WDR12: variants seen among roughly 807,000 people sequenced by gnomAD.
WDR12 encodes ribosome biogenesis protein WDR12.
Under a neutral mutation model 64.3 loss-of-function variants are expected in WDR12, and 42 were observed. The ratio of observed to expected loss-of-function variants is 0.65; its 90% CI spans 0.51 to 0.84. The LOEUF is 0.84. Ranked by LOEUF, WDR12 falls within the 40% of genes least tolerant of loss-of-function variation. The probability of loss-of-function intolerance (pLI) is 0.00; values close to 1 mark genes in which losing one functional copy is unlikely to be tolerated. For missense variants in WDR12, 469 were observed against 494.6 expected, an observed-to-expected ratio of 0.95 and a Z score of 0.49; for synonymous variants, 158 against 173.3, an observed-to-expected ratio of 0.91 and a Z score of 0.70.
chr2:202,911,617 G>GACTC lies in WDR12; in HGVS notation c.-145_-142dup. On this transcript the variant is annotated 5_prime_UTR_variant, in exon 1 of 13. Coordinates refer to ENST00000261015, the MANE Select transcript of WDR12 (RefSeq NM_018256.4). ...AGCGAGGAACTGCAGTCTAAGCCTG[G>GACTC]ACTCTGCCTTCTGCCCTCCGGTCTC... 1 of 777,236 alleles carries GACTC rather than the reference G, an allele frequency of 1.3e-6. No homozygotes were observed. 48.1% of individuals were successfully genotyped at this position (777,236 alleles called of 1,614,324 possible).
At chr2:202,894,685 A>G in intron 6 of WDR12, 59 bp from the exon 7 acceptor site, 3 of 1,423,606 alleles carry the variant, frequency 2.1e-6, no homozygotes, top group Non-Finnish European at 2.9e-6. Flanking sequence ...TTATTTGCCT[A>G]CAACAGTAGG....
At position 202,882,787 on chromosome 2, in the gene WDR12, A is replaced by T; in HGVS notation, c.1122-4T>A. On this transcript the variant is annotated splice_region_variant and splice_polypyrimidine_tract_variant and intron_variant, in intron 11 of 12. Coordinates refer to ENST00000261015, the MANE Select transcript of WDR12 (RefSeq NM_018256.4). ...ATCATAGAGAGGAGCCTTACAACTAAAAGATGAAAATATTAACATATTATA... is the reference window on the plus strand; with the variant it reads ...ATCATAGAGAGGAGCCTTACAACTATAAGATGAAAATATTAACATATTATA... The T allele has an allele frequency of 6.2e-7, 1 of 1,613,380 alleles. No individual in the cohort carries two copies. Among genetic ancestry groups the T allele is most frequent in the East Asian group, 2.2e-5 (1 of 44,846 alleles).
intron 10 of WDR12, 26 bp downstream of exon 10, chr2:202,884,172 T>A (rs1477535333): frequency 1.3e-6 from 2 of 1,591,692 alleles, no homozygotes; most frequent in Non-Finnish European, 1.7e-6. Context: ...CACACATATA[T>A]TCCCCCAGTG....
chr2:202,900,351 A>G (rs1394628660), intron 3 of WDR12, among the ~76,000 whole-genome samples: 2 of 151,682 alleles, frequency 1.3e-5, no homozygotes, highest in Non-Finnish European at 2.9e-5. Context: ...AAAAAAGAAG[A>G]TAAAAGAAAA....
chr2:202,899,639 T>C lies in WDR12; in HGVS notation c.232-2A>G. 6.2e-7 allele frequency: 1 copy of C among 1,613,410 alleles called. No homozygotes were observed. Among genetic ancestry groups the C allele is most frequent in the Non-Finnish European group, 8.5e-7 (1 of 1,179,580 alleles). ...GTATTCTATTTCCACAACTTCTTCC[T>C]AATCACAAGAGAAACCAGCAACAAG... On this transcript the variant is annotated splice_acceptor_variant, in intron 3 of 12. Transcript: ENST00000261015. LOFTEE classifies it high-confidence loss of function.
At chr2:202,890,766 G>A (rs370414810) in intron 8 of WDR12, among the ~76,000 whole-genome samples, 2,822 of 111,240 alleles carry the variant, frequency 0.025, 80 homozygotes, top group African/African-American at 0.083. Flanking sequence ...GCGAGACTCC[G>A]TCTCAAAAAA....
intron 7 of WDR12, 73 bp downstream of exon 7, chr2:202,894,508 C>T (rs2105907352): frequency 7.5e-7 from 1 of 1,331,620 alleles, no homozygotes; most frequent in East Asian, 2.5e-5. Flanking sequence ...AGGCGTAAGC[C>T]ACCATATAGC....
intron 1 of WDR12, among the ~76,000 whole-genome samples, chr2:202,908,641 A>T (rs1688505986): frequency 6.6e-6 from 1 of 152,218 alleles, no homozygotes; most frequent in Non-Finnish European, 1.5e-5. Context: ...AGTGCTTTAT[A>T]TATCATGTGA....
In WDR12 at chr2:202,874,576, C is replaced by G. The variant is rs193268345; in HGVS notation, c.*6284G>C. Among the ~76,000 whole-genome samples the G allele has an allele frequency of 9.2e-5, 14 of 152,322 alleles. No homozygotes were observed. Among genetic ancestry groups the G allele is most frequent in the African/African-American group, 3.1e-4 (13 of 41,562 alleles). On this transcript the variant is annotated 3_prime_UTR_variant, in exon 13 of 13. Transcript: ENST00000261015. Reference sequence around the variant, plus strand: ...CTAAAAATTATTCTACTGTTTTGTACTGTTTTACTAAGGATTAGAGGTCTA... The same window carrying G: ...CTAAAAATTATTCTACTGTTTTGTAGTGTTTTACTAAGGATTAGAGGTCTA...
chr2:202,886,681 C>T (rs940672977), intron 8 of WDR12, among the ~76,000 whole-genome samples: 2 of 147,778 alleles, frequency 1.4e-5, no homozygotes, highest in Admixed American at 6.9e-5. Flanking sequence ...GCAGGAGAAT[C>T]GCTTGAACCC....
At chr2:202,909,030 A>G (rs1462875281) in intron 1 of WDR12, among the ~76,000 whole-genome samples, 1 of 152,256 alleles carries the variant, frequency 6.6e-6, no homozygotes, top group Non-Finnish European at 1.5e-5. Context: ...GTAAAAAGAC[A>G]GCTAATAACA....
chr2:202,887,143 C>A (rs1272824017), intron 8 of WDR12, among the ~76,000 whole-genome samples: 10 of 152,298 alleles, frequency 6.6e-5, no homozygotes, highest in Admixed American at 6.5e-4. Context: ...CCTGCCTCAG[C>A]CTCCCAAGTA....
Position 202,911,456 on chromosome 2 carries a change from G to A in WDR12, c.21C>T (p.Arg7=), listed in dbSNP as rs541478848. The change falls in exon 1 of 13, where the codon CGC becomes CGT. Residue 7 remains arginine (R), a synonymous_variant. Coordinates refer to ENST00000261015, the MANE Select transcript of WDR12 (RefSeq NM_018256.4). The stretch of plus-strand genomic sequence containing the variant: ...CTTACTTCTTGTTATCAGTGTAGAA[G>A]CGTGTTTGGAGCTGAGCCATGGCGA... MAQLQT[R]FYTDNKKYAV... is the part of the protein sequence containing the mutation. The A allele has an allele frequency of 2.5e-6, 4 of 1,614,152 alleles. No homozygotes were observed. In the East Asian group the frequency reaches 8.9e-5, roughly 36 times the overall value.
intron 3 of WDR12, among the ~76,000 whole-genome samples, chr2:202,900,046 T>C (rs1050442603): frequency 6.6e-6 from 1 of 152,074 alleles, no homozygotes; most frequent in Non-Finnish European, 1.5e-5. Context: ...AAGAAAGCCT[T>C]AGGCCAGGTG....
intron 5 of WDR12, 141 bp downstream of exon 5, chr2:202,897,159 C>A: frequency 3.8e-6 from 2 of 520,654 alleles, no homozygotes; most frequent in Non-Finnish European, 3.4e-6. Flanking sequence ...TCTTCTTGAA[C>A]ACTGTATTTT....
In WDR12 at chr2:202,892,691, C is replaced by CATCTGTAG. The variant is rs1212834563; in HGVS notation, c.659_666dup (p.Glu223LeufsTer26). 1 of 1,612,066 alleles carries CATCTGTAG rather than the reference C, an allele frequency of 6.2e-7. No homozygotes were observed. Among genetic ancestry groups the CATCTGTAG allele is most frequent in the East Asian group, 2.2e-5 (1 of 44,776 alleles). ...GTGGACTCCTCCATTTCATCTTCTT[C>CATCTGTAG]ATCTGTAGGGACTGTGTCATAGAGA... On this transcript the variant is annotated frameshift_variant, in exon 8 of 13. Coordinates refer to ENST00000261015, the MANE Select transcript of WDR12 (RefSeq NM_018256.4). LOFTEE classifies it high-confidence loss of function.
chr2:202,911,356 C>T (rs1688636057), intron 1 of WDR12, 80 bp downstream of exon 1: 1 of 1,403,836 alleles, frequency 7.1e-7, no homozygotes, highest in African/African-American at 1.4e-5. Flanking sequence ...CAGAAACAAC[C>T]AGGGATCCAC....
At chr2:202,884,599 G>C in intron 8 of WDR12, 64 bp from the exon 9 acceptor site, 1 of 1,503,642 alleles carries the variant, frequency 6.7e-7, no homozygotes, top group Non-Finnish European at 8.9e-7. Context: ...AACAATAATA[G>C]TACTTATTAC....
At chr2:202,890,464 A>AT (rs1265672114) in intron 8 of WDR12, among the ~76,000 whole-genome samples, 1 of 152,188 alleles carries the variant, frequency 6.6e-6, no homozygotes, top group Non-Finnish European at 1.5e-5. Context: ...TTGAGTATAC[A>AT]TATTTATAAA....
Sources: allele counts gnomAD v4.1 joint callset (sites outside exome capture counted in the v4.1 genomes callset), GRCh38; gene constraint gnomAD v4.1.1; transcripts MANE v1.5; gene names NCBI Gene and HGNC (gene_info 2026-07-23, HGNC 2026-07-21).